CDH18: variants seen among roughly 807,000 people sequenced by gnomAD.
The protein encoded by CDH18 is cadherin-18.
Under a neutral mutation model 67.9 loss-of-function variants are expected in CDH18, and 31 were observed. The ratio of observed to expected loss-of-function variants is 0.46; its 90% confidence interval spans 0.34 to 0.62. CDH18 has a LOEUF of 0.62. CDH18 is among the 20% of genes least tolerant of loss of function. CDH18 has a pLI of 0.01. For synonymous variants in CDH18, 362 were observed against 347.2 expected (o/e 1.04, Z -0.48); for missense variants, 890 against 975.5 (o/e 0.91, Z 1.17).
chr5:19,521,285 A>G (rs1746862595), intron 9 of CDH18, among the ~76,000 whole-genome samples: 1 of 152,212 alleles, frequency 6.6e-6, no homozygotes, highest in Admixed American at 6.5e-5. Flanking sequence ...TCGGGGAAAA[A>G]TAAATAATAA....
At chr5:20,268,538 C>T (rs1745212115) in intron 1 of CDH18, among the ~76,000 whole-genome samples, 2 of 152,166 alleles carry the variant, frequency 1.3e-5, no homozygotes, top group East Asian at 1.9e-4. Flanking sequence ...GAATTTGAGA[C>T]CAGCCTAGGA....
At chr5:20,194,559 C>G (rs1425412064) in intron 2 of CDH18, among the ~76,000 whole-genome samples, 3 of 152,006 alleles carry the variant, frequency 2.0e-5, no homozygotes, top group African/African-American at 7.2e-5. Context: ...TGGGTTGAGG[C>G]TCAAGAAGAA....
At chr5:20,287,244 T>C (rs1172560630) in intron 1 of CDH18, among the ~76,000 whole-genome samples, 2 of 151,754 alleles carry the variant, frequency 1.3e-5, no homozygotes, top group Non-Finnish European at 3.0e-5. Context: ...TGTCATCTAT[T>C]ATATCTTAAT....
At chr5:20,235,343 G>T (rs534362804) in intron 2 of CDH18, among the ~76,000 whole-genome samples, 8 of 151,790 alleles carry the variant, frequency 5.3e-5, no homozygotes, top group Admixed American at 2.0e-4. Flanking sequence ...TAAACAGACC[G>T]CCCACAGAAT....
At chr5:19,493,244 T>G (rs893949555) in intron 11 of CDH18, among the ~76,000 whole-genome samples, 12 of 152,170 alleles carry the variant, frequency 7.9e-5, no homozygotes, top group Non-Finnish European at 1.5e-5. Flanking sequence ...CATATCATCC[T>G]CATTTCCCCA....
At chr5:20,033,033 A>T in intron 2 of CDH18, among the ~76,000 whole-genome samples, 1 of 151,964 alleles carries the variant, frequency 6.6e-6, no homozygotes, top group East Asian at 1.9e-4. Context: ...CACAAAAGAT[A>T]TTATCTCCCA....
rs1312394127 is a variant in CDH18 at position 20,328,506 on chromosome 5, TGTGAGA to T, written c.-579-73007_-579-73002del. On this transcript the variant is annotated intron_variant, in intron 1 of 14. Transcript: ENST00000507958. ...GTGTGTGTGTGTGTGTGTGTGTGTG[TGTGAGA>T]GAGAGAGAGAGAGAGAGATTATATG... Among the ~76,000 whole-genome samples, 147 of 120,974 alleles carry T rather than the reference TGTGAGA, an allele frequency of 1.2e-3. 1 individual carries two copies. The highest frequency in any genetic ancestry group is 4.6e-3 in the Middle Eastern group (1 of 218). The allele number at this position is 120,974 out of a possible 152,430, so 79.4% of individuals were successfully genotyped here.
At chr5:20,313,194 A>C (rs1737151106) in intron 1 of CDH18, among the ~76,000 whole-genome samples, 1 of 152,138 alleles carries the variant, frequency 6.6e-6, no homozygotes, top group Admixed American at 6.6e-5. Flanking sequence ...TTTTTCAGGT[A>C]TCAGAGTTGT....
chr5:19,561,705 T>C (rs1386313), intron 8 of CDH18, among the ~76,000 whole-genome samples: 4,076 of 152,204 alleles, frequency 0.027, 141 homozygotes, highest in East Asian at 0.096. Context: ...TGACTAAATG[T>C]GTTATAATTA....
chr5:19,871,356 A>G (rs906903544), intron 2 of CDH18, among the ~76,000 whole-genome samples: 2 of 151,978 alleles, frequency 1.3e-5, no homozygotes, highest in Non-Finnish European at 2.9e-5. Context: ...TACTATTCTA[A>G]AGTCTATTTT....
intron 5 of CDH18, among the ~76,000 whole-genome samples, chr5:19,672,771 T>C (rs1325346754): frequency 6.6e-6 from 1 of 152,046 alleles, no homozygotes; most frequent in African/African-American, 2.4e-5. Flanking sequence ...ATTCTGTCAA[T>C]AACTGCTTTA....
At chr5:20,519,616 A>G (rs1755602352) in intron 1 of CDH18, among the ~76,000 whole-genome samples, 1 of 152,084 alleles carries the variant, frequency 6.6e-6, no homozygotes, top group Admixed American at 6.6e-5. Flanking sequence ...AACTTAAAGT[A>G]TAATAATAAT....
In CDH18 at chr5:19,699,632, G is replaced by GTGTGTC. The variant is rs1554007621; in HGVS notation, c.643+21714_643+21715insGACACA. 3.7e-3 allele frequency among the ~76,000 whole-genome samples: 495 copies of GTGTGTC among 133,374 alleles called. 1 individual carries two copies. Among genetic ancestry groups the GTGTGTC allele is most frequent in the African/African-American group, 6.8e-3 (222 of 32,716 alleles). 87.5% of individuals were successfully genotyped at this position (133,374 alleles called of 152,430 possible). On this transcript the variant is annotated intron_variant, in intron 5 of 12. Coordinates refer to ENST00000382275, the MANE Select transcript of CDH18 (RefSeq NM_004934.5). ...TCTCCATGTGTGTGTGTGTGTGTGT[G>GTGTGTC]TGTGTGTGTCTGTGTGTGTGTGTGT...
intron 1 of CDH18, among the ~76,000 whole-genome samples, chr5:20,443,126 C>T (rs1348366971): frequency 2.2e-5 from 3 of 135,336 alleles, no homozygotes; most frequent in Non-Finnish European, 4.6e-5. Flanking sequence ...AGGAGAATGG[C>T]GTGAACCCGG....
chr5:19,700,837 C>T (rs1327799465), intron 5 of CDH18, among the ~76,000 whole-genome samples: 1 of 151,890 alleles, frequency 6.6e-6, no homozygotes, highest in Non-Finnish European at 1.5e-5. Flanking sequence ...AAAATCCATA[C>T]TTGTGTAACT....
chr5:19,729,010 GA>G (rs1293596775), intron 4 of CDH18, among the ~76,000 whole-genome samples: 1 of 151,982 alleles, frequency 6.6e-6, no homozygotes, highest in Non-Finnish European at 1.5e-5. Flanking sequence ...GAATTGAAAA[GA>G]AAAAAATATT....
intron 2 of CDH18, among the ~76,000 whole-genome samples, chr5:20,049,871 C>T (rs1238063468): frequency 1.3e-5 from 2 of 148,164 alleles, no homozygotes; most frequent in Admixed American, 1.3e-4. Flanking sequence ...GCTAAAATTA[C>T]AAGATGACCA....
chr5:20,553,106 A>G (rs114405194), intron 1 of CDH18, among the ~76,000 whole-genome samples: 4,143 of 152,166 alleles, frequency 0.027, 96 homozygotes, highest in African/African-American at 0.064. Context: ...CTAAAAATAA[A>G]TTTTAATTGT....
intron 2 of CDH18, among the ~76,000 whole-genome samples, chr5:20,048,131 T>C (rs1051719055): frequency 8.6e-5 from 13 of 151,658 alleles, no homozygotes; most frequent in African/African-American, 3.1e-4. Context: ...ATTTTTTTTC[T>C]TAAAAGTAGG....
Sources: gnomAD v4.1 joint callset for allele counts (sites outside exome capture counted in the v4.1 genomes callset) on GRCh38, gnomAD v4.1.1 for gene constraint, MANE v1.5 for transcripts, NCBI Gene and HGNC (gene_info 2026-07-23, HGNC 2026-07-21) for gene names.